BTBD1: variants seen among roughly 807,000 people sequenced by gnomAD.
BTBD1 encodes BTB domain containing 1, also known as BTB/POZ domain-containing protein 1.
Under a neutral mutation model 48.0 loss-of-function variants are expected in BTBD1, and 34 were observed. That is an observed-to-expected ratio of 0.71 (90% confidence interval 0.54 to 0.94). The LOEUF is 0.94. Among genes scored for constraint, BTBD1 ranks in the 40% least tolerant of loss-of-function variants. BTBD1 has a pLI of 0.00. For missense variants in BTBD1, 543 were observed against 625.6 expected (o/e 0.87, Z 1.41); for synonymous variants, 261 against 242.1 (o/e 1.08, Z -0.72).
chr15:83,062,594 T>C (rs976446015), intron 1 of BTBD1, among the ~76,000 whole-genome samples: 1 of 152,238 alleles, frequency 6.6e-6, no homozygotes, highest in Non-Finnish European at 1.5e-5. Context: ...GAACAATCTA[T>C]GGCACACAGT....
intron 2 of BTBD1, among the ~76,000 whole-genome samples, chr15:83,054,849 C>T (rs536042758): frequency 2.6e-5 from 4 of 152,198 alleles, no homozygotes; most frequent in South Asian, 2.1e-4. Context: ...CATGAGCCAC[C>T]GCGCCCGGCT....
intron 3 of BTBD1, among the ~76,000 whole-genome samples, chr15:83,045,940 A>G (rs1203101040): frequency 6.6e-6 from 1 of 152,250 alleles, no homozygotes; most frequent in East Asian, 1.9e-4. Context: ...AACATGATAA[A>G]TTATCTTCTT....
intron 4 of BTBD1, 29 bp from the exon 5 acceptor site, chr15:83,030,357 A>C: frequency 6.4e-7 from 1 of 1,570,180 alleles, no homozygotes; most frequent in Non-Finnish European, 8.7e-7. Context: ...AAGCCTAAAA[A>C]AAGGAATTTG....
In BTBD1 at chr15:83,042,134, TATTA is replaced by T. The variant is rs2032773077; in HGVS notation, c.665-213_665-210del. On this transcript the variant is annotated intron_variant, in intron 3 of 7. Coordinates refer to ENST00000261721, the MANE Select transcript of BTBD1 (RefSeq NM_025238.4). ...ATAAAAATCAGTTTAACAATCAATT[TATTA>T]CTTACCATACATGCAATATTAAGAT... 2.0e-5 allele frequency among the ~76,000 whole-genome samples: 3 copies of T among 151,862 alleles called. No individual in the cohort carries two copies. In the South Asian group the frequency reaches 6.2e-4, roughly 31 times the overall value.
intron 4 of BTBD1, among the ~76,000 whole-genome samples, chr15:83,038,160 T>C (rs546254182): frequency 7.2e-5 from 11 of 152,090 alleles, no homozygotes; most frequent in Non-Finnish European, 1.5e-4. Context: ...GAATATAAAA[T>C]TAATGTACAA....
At chr15:83,028,561 A>G (rs1342716788) in intron 5 of BTBD1, 3 of 152,102 alleles carry the variant, frequency 2.0e-5, no homozygotes, top group Non-Finnish European at 2.9e-5. Context: ...GTAGTACTTT[A>G]TTCTTTTAAT....
At chr15:83,019,492 G>A (rs1368650256) in intron 6 of BTBD1, among the ~76,000 whole-genome samples, 1 of 151,280 alleles carries the variant, frequency 6.6e-6, no homozygotes, top group Non-Finnish European at 1.5e-5. Context: ...CGCCCAGACT[G>A]TTTCTATTAT....
chr15:83,052,669 C>T (rs1251405737), intron 2 of BTBD1, among the ~76,000 whole-genome samples: 2 of 147,880 alleles, frequency 1.4e-5, no homozygotes, highest in Non-Finnish European at 3.0e-5. Flanking sequence ...CTCGCTCTGT[C>T]GCCCAGGCTG....
intron 2 of BTBD1, among the ~76,000 whole-genome samples, chr15:83,055,204 G>C (rs1402151347): frequency 6.6e-6 from 1 of 151,976 alleles, no homozygotes; most frequent in Non-Finnish European, 1.5e-5. Context: ...CTGGTTAAAG[G>C]TTCCACAGTT....
rs572263974 is a variant in BTBD1, at chr15:83,038,704, C to A, written c.862+3024G>T. ...CATGTTACTGGTACAAAAACAGACA[C>A]ATACACCAATGGAACAGAAAAGAGA... is the stretch of plus-strand genomic sequence containing the variant. On this transcript the variant is annotated intron_variant, in intron 4 of 7. Transcript: ENST00000261721. Among the ~76,000 whole-genome samples the A allele has an allele frequency of 9.2e-5, 14 of 152,228 alleles. No homozygotes were observed. The South Asian group carries it at 2.9e-3, about 32-fold the overall frequency.
chr15:83,024,231 TTCTC>T (rs1251727879), intron 5 of BTBD1: 2 of 152,190 alleles, frequency 1.3e-5, no homozygotes, highest in Admixed American at 6.5e-5. Context: ...CCACTGGATT[TTCTC>T]TCTAATGAAA....
At position 83,027,568 on chromosome 15, in the gene BTBD1, T is replaced by C. The variant is rs371400157; in HGVS notation, c.1055+2568A>G. On this transcript the variant is annotated intron_variant, in intron 5 of 7. Coordinates refer to ENST00000261721, the MANE Select transcript of BTBD1 (RefSeq NM_025238.4). ...CCCTTCTCCACCTCTGTAGGAGAGC[T>C]GAACCAGGAAAGTAGAGCCTTGCCT... Among the ~76,000 whole-genome samples, 11 of 152,298 alleles carry C rather than the reference T, an allele frequency of 7.2e-5. No homozygotes were observed. The South Asian group carries it at 2.3e-3, about 32-fold the overall frequency.
chr15:83,041,658 G>A, intron 4 of BTBD1, 70 bp downstream of exon 4: 1 of 1,450,272 alleles, frequency 6.9e-7, no homozygotes, highest in Non-Finnish European at 9.7e-7. Context: ...ATAGGTGTGA[G>A]CCACCAGGCC....
intron 3 of BTBD1, among the ~76,000 whole-genome samples, chr15:83,048,990 C>T (rs908322889): frequency 6.6e-6 from 1 of 152,174 alleles, no homozygotes; most frequent in South Asian, 2.1e-4. Flanking sequence ...CAACGCAGTT[C>T]AAAAGCAAAT....
chr15:83,065,557 G>C (rs2033252106), intron 1 of BTBD1, among the ~76,000 whole-genome samples: 1 of 152,198 alleles, frequency 6.6e-6, no homozygotes, highest in African/African-American at 2.4e-5. Flanking sequence ...TGACCTGCCT[G>C]TTTTTGCTTC....
At chr15:83,045,429 C>T (rs947703455) in intron 3 of BTBD1, among the ~76,000 whole-genome samples, 2 of 151,970 alleles carry the variant, frequency 1.3e-5, no homozygotes, top group Non-Finnish European at 2.9e-5. Flanking sequence ...ACCCGGGAGG[C>T]GGAGGCTGCA....
chr15:83,019,233 T>C (rs1347041375), intron 6 of BTBD1, among the ~76,000 whole-genome samples: 1 of 152,092 alleles, frequency 6.6e-6, no homozygotes, highest in African/African-American at 2.4e-5. Context: ...CTAATTTTTT[T>C]GTATTTTTAG....
chr15:83,016,926 A>C lies in BTBD1; in HGVS notation c.*1141T>G, dbSNP rs2032178777. On this transcript the variant is annotated 3_prime_UTR_variant, in exon 8 of 8. Coordinates refer to ENST00000261721, the MANE Select transcript of BTBD1 (RefSeq NM_025238.4). The stretch of plus-strand genomic sequence containing the variant: ...TCCACAACGATTTGATATACCTTAA[A>C]CTCCACTTTCATTTTTTATAAGAGA... The C allele has an allele frequency of 6.6e-6, 1 of 152,220 alleles. No homozygotes were observed. Among genetic ancestry groups the C allele is most frequent in the African/African-American group, 2.4e-5 (1 of 41,422 alleles). 9.4% of individuals were successfully genotyped at this position (152,220 alleles called of 1,614,324 possible).
At chr15:83,032,986 A>AAAAAAAAAAAAC (rs1555439417) in intron 4 of BTBD1, among the ~76,000 whole-genome samples, 11 of 151,488 alleles carry the variant, frequency 7.3e-5, no homozygotes, top group African/African-American at 2.4e-4. Flanking sequence ...AAAAAAAAAA[A>AAAAAAAAAAAAC]AACAGAATAG....
Sources: gnomAD v4.1 joint callset for allele counts (sites outside exome capture counted in the v4.1 genomes callset) on GRCh38, gnomAD v4.1.1 for gene constraint, MANE v1.5 for transcripts, NCBI Gene and HGNC (gene_info 2026-07-23, HGNC 2026-07-21) for gene names.